FAT2: variants seen among roughly 807,000 people sequenced by gnomAD.
FAT2 encodes protocadherin Fat 2.
A neutral mutation model predicts 295.3 loss-of-function variants in FAT2; 150 were observed. The observed-to-expected ratio is 0.51, with a 90% CI of 0.44 to 0.58. The LOEUF is 0.58. Ranked by LOEUF, FAT2 falls within the 20% of genes least tolerant of loss-of-function variation. FAT2 has a pLI of 0.00. For missense variants in FAT2, 4,868 were observed against 5,442.7 expected, an observed-to-expected ratio of 0.89 and a Z score of 3.32; for synonymous variants, 2,026 against 2,150.3, an observed-to-expected ratio of 0.94 and a Z score of 1.60.
intron 13 of FAT2, among the ~76,000 whole-genome samples, chr5:151,533,492 C>T (rs1013291880): frequency 2.0e-5 from 3 of 151,700 alleles, no homozygotes; most frequent in African/African-American, 4.8e-5. Flanking sequence ...CTCCCTAGAA[C>T]CCCTACATCC....
At chr5:151,526,047 G>T in intron 17 of FAT2, 82 bp from the exon 18 acceptor site, 2 of 1,338,112 alleles carry the variant, frequency 1.5e-6, no homozygotes, top group South Asian at 1.3e-5. Flanking sequence ...TATGTCATCT[G>T]GAATGAGTCC....
chr5:151,557,975 C>A (rs926082290), intron 3 of FAT2, among the ~76,000 whole-genome samples: 2 of 152,182 alleles, frequency 1.3e-5, no homozygotes, highest in African/African-American at 4.8e-5. Flanking sequence ...CTCTGTGCCT[C>A]GCCTTGACTC....
chr5:151,563,532 C>T lies in FAT2; in HGVS notation c.3367G>A (p.Val1123Ile), dbSNP rs370598855. 654 of 1,614,130 alleles carry T rather than the reference C, an allele frequency of 4.1e-4. 9 individuals carry two copies. In the South Asian group the frequency reaches 6.6e-3, roughly 16 times the overall value. The stretch of plus-strand genomic sequence containing the variant: ...TTGGCATCCGTAACCTCGATGTAGA[C>T]TTCAGTTACAGAAGAGAGGGGCACA... Reference protein sequence around the residue: ...GSVPLSSVTEVYIEVTDANDN... With the variant: ...GSVPLSSVTEIYIEVTDANDN... The change falls in exon 3 of 24, where the codon GTC becomes ATC. Residue 1123 changes from valine (V) to isoleucine (I), a missense_variant. Val to Ile is a conservative substitution (Grantham distance 29). Transcript: ENST00000261800.
chr5:151,552,423 C>A (rs1757304218), intron 6 of FAT2, among the ~76,000 whole-genome samples: 1 of 152,180 alleles, frequency 6.6e-6, no homozygotes, highest in Non-Finnish European at 1.5e-5. Flanking sequence ...GGGCATATAT[C>A]CTATCCTACT....
At position 151,537,933 on chromosome 5, in the gene FAT2, C is replaced by G. The variant is rs768056743; in HGVS notation, c.9053G>C (p.Gly3018Ala). ...SPQCSQLLYTGKVHEDVFPGH... is the reference protein window; with the variant it reads ...SPQCSQLLYTAKVHEDVFPGH... ...TGGAAATACATCTTCATGAACCTTGCCAGTATAGAGAAGCTAGAGATGGAA... is the reference window on the plus strand; with the variant it reads ...TGGAAATACATCTTCATGAACCTTGGCAGTATAGAGAAGCTAGAGATGGAA... The change falls in exon 12 of 24, where the codon GGC (glycine) becomes GCC (alanine). Residue 3018 changes from glycine (G) to alanine (A), a missense_variant. Physicochemically the swap from Gly to Ala is moderately conservative, Grantham distance 60 (BLOSUM62 0). Coordinates refer to ENST00000261800, the MANE Select transcript of FAT2 (RefSeq NM_001447.3). 11 of 1,613,672 alleles carry G rather than the reference C, an allele frequency of 6.8e-6. No individual in the cohort carries two copies. The highest frequency in any genetic ancestry group is 8.5e-6 in the Non-Finnish European group (10 of 1,179,802).
chr5:151,543,549 A>G lies in FAT2; in HGVS notation c.7578T>C (p.Ser2526=), dbSNP rs531542483. ...IDYTIINKLA[S]EKFSINPNGQ... is the part of the protein sequence containing the mutation. ...CATTGGGGTTTATGGAGAACTTCTC[A>G]CTTGCTAGTTTATTGATGATAGTAT... is the stretch of plus-strand genomic sequence containing the variant. The change falls in exon 10 of 24, where the codon AGT becomes AGC. Residue 2526 remains serine, a synonymous_variant. Transcript: ENST00000261800. 6.2e-7 allele frequency: 1 copy of G among 1,614,176 alleles called. No homozygotes were observed. Among genetic ancestry groups the G allele is most frequent in the African/African-American group, 1.3e-5 (1 of 75,046 alleles).
intron 2 of FAT2, 139 bp downstream of exon 2, chr5:151,565,534 G>GA (rs1209456096): frequency 9.7e-6 from 8 of 822,882 alleles, no homozygotes. Flanking sequence ...AAATACACAG[G>GA]AAAAAGAATC....
intron 3 of FAT2, among the ~76,000 whole-genome samples, chr5:151,559,685 C>T (rs567350251): frequency 1.3e-5 from 2 of 152,118 alleles, no homozygotes; most frequent in South Asian, 4.2e-4. Flanking sequence ...CTCTCTCCCC[C>T]AACCCCATTT....
Position 151,528,031 on chromosome 5 carries a change from C to T in FAT2, c.10129G>A (p.Glu3377Lys), listed in dbSNP as rs769272070. Residue 3377 changes from glutamate to lysine, a missense_variant, in exon 16 of 24, where the codon GAG becomes AAG. Around this residue, in one of 5 missense-constraint regions of FAT2, gnomAD observed 1,046 missense variants for 1,210.1 expected, o/e 0.86. Transcript: ENST00000261800. The part of the protein sequence containing the change: ...GHFTIHPKKG[E>K]LQVAKALDRE... ...TCCAGGGCCTTGGCCACCTGTAGCT[C>T]CCCCTTTTTGGGGTGAATGGTGAAG... 6.2e-7 allele frequency: 1 copy of T among 1,614,212 alleles called. No individual in the cohort carries two copies. Among genetic ancestry groups the T allele is most frequent in the South Asian group, 1.1e-5 (1 of 91,078 alleles).
chr5:151,581,943 GGCCCAGCCCA>G (rs1242618013), intron 1 of FAT2, among the ~76,000 whole-genome samples: 1 of 152,122 alleles, frequency 6.6e-6, no homozygotes, highest in Non-Finnish European at 1.5e-5. Context: ...CCTCTAGCCT[GGCCCAGCCCA>G]GCCCAGCCCA....
chr5:151,507,363 A>C lies in FAT2; in HGVS notation c.12308T>G (p.Leu4103Arg). 6.2e-7 allele frequency: 1 copy of C among 1,614,150 alleles called. No individual in the cohort carries two copies. The highest frequency in any genetic ancestry group is 2.2e-5 in the East Asian group (1 of 44,878). ...GCAGGAGCTGGCACTCAATGGGTTG[A>C]GCTCGATGGCAGGCATGGCTTGGGT... ...VDTQAMPAIELNPLSASSCNN... is the reference protein window; with the variant it reads ...VDTQAMPAIERNPLSASSCNN... The change falls in exon 23 of 24, where the codon CTC (leucine) becomes CGC (arginine). Residue 4103 changes from leucine to arginine, a missense_variant. Transcript: ENST00000261800.
chr5:151,552,794 G>T (rs1424565722), intron 6 of FAT2, among the ~76,000 whole-genome samples: 1 of 152,218 alleles, frequency 6.6e-6, no homozygotes, highest in Non-Finnish European at 1.5e-5. Context: ...ATTGAGCATG[G>T]CCCCAGGGTA....
At chr5:151,562,892 G>A (rs925768566) in intron 3 of FAT2, among the ~76,000 whole-genome samples, 7 of 152,112 alleles carry the variant, frequency 4.6e-5, no homozygotes, top group African/African-American at 1.7e-4. Flanking sequence ...CTCTGGGCGG[G>A]GTTGAGATCA....
In FAT2 at chr5:151,567,960, C is replaced by G. The variant is rs747786056; in HGVS notation, c.972G>C (p.Glu324Asp). Residue 324 changes from glutamate to aspartate, a missense_variant, in exon 2 of 24, where the codon GAG becomes GAC. Glu to Asp is a conservative substitution (Grantham distance 45). Transcript: ENST00000261800. Reference protein sequence around the residue: ...LVSVKDINWMEYLHGFNLSLQ... With the variant: ...LVSVKDINWMDYLHGFNLSLQ... ...GGCTGAGGTTGAACCCATGAAGGTA[C>G]TCCATCCAGTTGATGTCTTTGACAG... 1 of 1,614,216 alleles carries G rather than the reference C, an allele frequency of 6.2e-7. No homozygotes were observed. The highest frequency in any genetic ancestry group is 1.7e-5 in the Admixed American group (1 of 60,020).
chr5:151,509,991 C>T (rs1761194021), intron 22 of FAT2, 30 bp downstream of exon 22: 4 of 1,607,988 alleles, frequency 2.5e-6, no homozygotes, highest in Middle Eastern at 3.6e-4. Flanking sequence ...TAACAAGGAG[C>T]CCATGGCAGG....
At position 151,567,983 on chromosome 5, in the gene FAT2, C is replaced by T. The variant is rs762516471; in HGVS notation, c.949G>A (p.Val317Ile). 6.2e-7 allele frequency: 1 copy of T among 1,614,190 alleles called. No individual in the cohort carries two copies. The highest frequency in any genetic ancestry group is 8.5e-7 in the Non-Finnish European group (1 of 1,180,034). ...TACTCCATCCAGTTGATGTCTTTGA[C>T]AGACACCAAACTGAACTCATTGCTC... is the stretch of plus-strand genomic sequence containing the variant. ...ARSNEFSLVS[V>I]KDINWMEYLH... The change falls in exon 2 of 24, where the codon GTC becomes ATC. Residue 317 changes from valine (V) to isoleucine (I), a missense_variant. Val to Ile is a conservative substitution (Grantham distance 29, BLOSUM62 3). Coordinates refer to ENST00000261800, the MANE Select transcript of FAT2 (RefSeq NM_001447.3).
intron 9 of FAT2, among the ~76,000 whole-genome samples, chr5:151,547,709 C>T (rs1200113988): frequency 6.6e-6 from 1 of 152,138 alleles, no homozygotes; most frequent in Non-Finnish European, 1.5e-5. Context: ...GCTAAGTCAA[C>T]AACCTACATG....
chr5:151,542,588 G>A lies in FAT2; in HGVS notation c.8539C>T (p.Leu2847Phe), dbSNP rs1231597166. ...SADPGSNVHE[L>F]FAIDSESGWI... ...CCACTCTCACTGTCAATGGCAAAGA[G>A]CTCATGGACATTGCTACCAGGGTCT... The change falls in exon 10 of 24, where the codon CTC becomes TTC. Residue 2847 changes from leucine (L) to phenylalanine (F), a missense_variant. Leu to Phe is a conservative substitution (Grantham distance 22, BLOSUM62 0). Around this residue, in one of 5 missense-constraint regions of FAT2, gnomAD observed 3,297 missense variants for 3,669.4 expected, o/e 0.90. Coordinates refer to ENST00000261800, the MANE Select transcript of FAT2 (RefSeq NM_001447.3). 6.2e-7 allele frequency: 1 copy of A among 1,614,102 alleles called. No individual in the cohort carries two copies. Among genetic ancestry groups the A allele is most frequent in the Non-Finnish European group, 8.5e-7 (1 of 1,180,048 alleles).
In FAT2 at chr5:151,568,785, C is replaced by T; in HGVS notation, c.147G>A (p.Lys49=). Residue 49 remains lysine (K), a synonymous_variant, in exon 2 of 24, where the codon AAG becomes AAA. Coordinates refer to ENST00000261800, the MANE Select transcript of FAT2 (RefSeq NM_001447.3). The part of the protein sequence containing the change: ...NATIYENSSP[K]TYVESFEKMG... The stretch of plus-strand genomic sequence containing the variant: ...TTTTCTCGAAGCTCTCCACATAGGT[C>T]TTGGGAGAAGAATTTTCATAGATGG... 6.2e-7 allele frequency: 1 copy of T among 1,614,094 alleles called. No homozygotes were observed. The highest frequency in any genetic ancestry group is 1.7e-5 in the Admixed American group (1 of 60,014).
Sources: gnomAD v4.1 joint callset for allele counts (sites outside exome capture counted in the v4.1 genomes callset) on GRCh38, gnomAD v4.1.1 for gene constraint, gnomAD v4.1.1 regional missense constraint, MANE v1.5 for transcripts, NCBI Gene and HGNC (gene_info 2026-07-23, HGNC 2026-07-21) for gene names.